Variants in TBC1D12 observed in about 807,000 individuals in gnomAD.
TBC1D12 encodes the protein TBC1 domain family member 12.
A neutral mutation model predicts 86.7 loss-of-function variants in TBC1D12; 56 were observed. That is an observed-to-expected ratio of 0.65 (90% CI 0.52 to 0.81). The LOEUF is 0.81. Ranked by LOEUF, TBC1D12 falls within the 30% of genes least tolerant of loss-of-function variation. TBC1D12 has a pLI of 0.00. For missense variants in TBC1D12, 1,023 were observed against 1,038.8 expected (o/e 0.98, Z 0.21); for synonymous variants, 421 against 411.7 (o/e 1.02, Z -0.27).
Position 94,510,075 on chromosome 10 carries a change from T to G in TBC1D12, c.1601-16T>G. 1 of 1,593,486 alleles carries G rather than the reference T, an allele frequency of 6.3e-7. No homozygotes were observed. Among genetic ancestry groups the G allele is most frequent in the Non-Finnish European group, 8.6e-7 (1 of 1,167,642 alleles). On this transcript the variant is annotated splice_polypyrimidine_tract_variant and intron_variant, in intron 7 of 12. Coordinates refer to ENST00000225235, the MANE Select transcript of TBC1D12 (RefSeq NM_015188.2). Reference sequence around the variant, plus strand: ...GCCAAGTGATCATTTAAATTGTATCTGCTTGGTAAATGCAGGTGTATCTGT... The same window carrying G: ...GCCAAGTGATCATTTAAATTGTATCGGCTTGGTAAATGCAGGTGTATCTGT...
chr10:94,491,629 A>T (rs1158589041), intron 3 of TBC1D12, among the ~76,000 whole-genome samples: 1 of 152,310 alleles, frequency 6.6e-6, no homozygotes, highest in South Asian at 2.1e-4. Context: ...ATTGCGTGCC[A>T]TTCTGAGTAG....
chr10:94,498,090 A>G (rs1316423592), intron 5 of TBC1D12, among the ~76,000 whole-genome samples: 1 of 152,150 alleles, frequency 6.6e-6, no homozygotes, highest in Non-Finnish European at 1.5e-5. Context: ...AAGTGCTGAG[A>G]TTACAGGCGT....
chr10:94,403,389 G>A lies in TBC1D12; in HGVS notation c.776G>A (p.Gly259Asp). The A allele has an allele frequency of 7.8e-6, 12 of 1,545,112 alleles. No individual in the cohort carries two copies. The highest frequency in any genetic ancestry group is 1.0e-5 in the Non-Finnish European group (12 of 1,145,494). Residue 259 changes from glycine to aspartate, a missense_variant, in exon 1 of 13, where the codon GGT becomes GAT. By Grantham distance (94) the Gly-to-Asp change is moderately conservative. Around this residue, in one of 2 missense-constraint regions of TBC1D12, gnomAD observed 628 missense variants for 531.1 expected, o/e 1.18. Coordinates refer to ENST00000225235, the MANE Select transcript of TBC1D12 (RefSeq NM_015188.2). ...PATSAERTNG[G>D]AEPRLGFSDI... ...ACCTCGGCCGAGAGGACTAATGGGG[G>A]TGCGGAGCCGCGCCTGGGCTTTTCT...
At chr10:94,408,644 A>G (rs11187930) in intron 1 of TBC1D12, among the ~76,000 whole-genome samples, 42,360 of 152,070 alleles carry the variant, frequency 0.28, 7,373 homozygotes, top group Admixed American at 0.43. Flanking sequence ...ATCATAATTC[A>G]TCCATCTGAC....
chr10:94,531,289 A>G lies in TBC1D12; in HGVS notation c.2088A>G (p.Leu696=). The G allele has an allele frequency of 6.2e-7, 1 of 1,614,078 alleles. No homozygotes were observed. The highest frequency in any genetic ancestry group is 8.5e-7 in the Non-Finnish European group (1 of 1,180,008). Residue 696 remains leucine (L), a synonymous_variant, in exon 12 of 13, where the codon TTA becomes TTG. Transcript: ENST00000225235. ...DVFCRDGEEF[L]FRTGLGILRL... is the part of the protein sequence containing the mutation. The stretch of plus-strand genomic sequence containing the variant: ...TTTGCAGAGATGGGGAAGAATTTTT[A>G]TTTAGGACTGGATTAGGAATCCTCC...
intron 2 of TBC1D12, among the ~76,000 whole-genome samples, chr10:94,444,523 A>G (rs1023125877): frequency 2.8e-4 from 42 of 152,144 alleles, no homozygotes; most frequent in African/African-American, 9.4e-4. Context: ...TGGTCTTGCT[A>G]CTGAAGGTTT....
intron 3 of TBC1D12, among the ~76,000 whole-genome samples, chr10:94,482,540 T>C (rs926479858): frequency 6.6e-6 from 1 of 151,950 alleles, no homozygotes; most frequent in African/African-American, 2.4e-5. Context: ...GATCTCTGCC[T>C]CCCAGGTTCA....
At chr10:94,485,688 A>G (rs1412350673) in intron 3 of TBC1D12, among the ~76,000 whole-genome samples, 1 of 151,780 alleles carries the variant, frequency 6.6e-6, no homozygotes, top group Admixed American at 6.6e-5. Context: ...TTCTTCTTTA[A>G]ATGTTTGGTA....
At chr10:94,524,728 TAA>T (rs766662285) in intron 11 of TBC1D12, among the ~76,000 whole-genome samples, 63 of 130,638 alleles carry the variant, frequency 4.8e-4, no homozygotes, top group Middle Eastern at 3.9e-3. Flanking sequence ...GAGACTCCAT[TAA>T]AAAAAAAAAA....
intron 1 of TBC1D12, among the ~76,000 whole-genome samples, chr10:94,405,731 C>A (rs2054844285): frequency 6.6e-6 from 1 of 152,194 alleles, no homozygotes; most frequent in Middle Eastern, 3.4e-3. Flanking sequence ...AGAAAACTGT[C>A]CCTTACCTGC....
In TBC1D12 at chr10:94,402,757, G is replaced by A; in HGVS notation, c.144G>A (p.Pro48=). The A allele has an allele frequency of 1.3e-6, 2 of 1,550,608 alleles. No individual in the cohort carries two copies. The highest frequency in any genetic ancestry group is 1.7e-6 in the Non-Finnish European group (2 of 1,147,048). The part of the protein sequence containing the change: ...GFGGGVGAVE[P]PEEADEEEEA... ...GCGGAGGCGTCGGCGCTGTGGAGCC[G>A]CCGGAGGAGGCTGACGAGGAGGAGG... Residue 48 remains proline (P), a synonymous_variant, in exon 1 of 13, where the codon CCG becomes CCA. Coordinates refer to ENST00000225235, the MANE Select transcript of TBC1D12 (RefSeq NM_015188.2).
At chr10:94,481,063 T>G (rs2056070509) in intron 3 of TBC1D12, among the ~76,000 whole-genome samples, 1 of 147,858 alleles carries the variant, frequency 6.8e-6, no homozygotes, top group South Asian at 2.1e-4. Flanking sequence ...TTTTTTTTTT[T>G]GTGAGCAGTG....
chr10:94,406,239 A>G (rs536742490), intron 1 of TBC1D12, among the ~76,000 whole-genome samples: 95 of 152,286 alleles, frequency 6.2e-4, no homozygotes, highest in Non-Finnish European at 1.2e-3. Context: ...TTACTTATAG[A>G]CTAATAGAAC....
At chr10:94,423,874 A>G (rs2055112630) in intron 1 of TBC1D12, among the ~76,000 whole-genome samples, 1 of 152,202 alleles carries the variant, frequency 6.6e-6, no homozygotes, top group African/African-American at 2.4e-5. Context: ...TGCCAAAACC[A>G]CATACAGTCA....
chr10:94,466,555 G>A (rs1296755637), intron 2 of TBC1D12, among the ~76,000 whole-genome samples: 2 of 151,930 alleles, frequency 1.3e-5, no homozygotes, highest in Non-Finnish European at 2.9e-5. Flanking sequence ...TAAAATCACT[G>A]GCACACTTCA....
intron 6 of TBC1D12, among the ~76,000 whole-genome samples, chr10:94,502,060 C>T (rs1001247318): frequency 2.6e-5 from 4 of 151,296 alleles, no homozygotes; most frequent in East Asian, 2.0e-4. Context: ...TGGCCAGGCG[C>T]GGTGGCTCAC....
intron 3 of TBC1D12, among the ~76,000 whole-genome samples, chr10:94,489,774 G>A (rs755454959): frequency 8.5e-4 from 129 of 152,244 alleles, no homozygotes; most frequent in Non-Finnish European, 6.2e-4. Context: ...AAGAGATAGA[G>A]AGAGATGGGA....
At chr10:94,505,344 C>T (rs527269757) in intron 6 of TBC1D12, among the ~76,000 whole-genome samples, 3 of 152,140 alleles carry the variant, frequency 2.0e-5, no homozygotes, top group Admixed American at 6.6e-5. Flanking sequence ...TTTGGGAGGC[C>T]GAGGCAGGTG....
intron 2 of TBC1D12, among the ~76,000 whole-genome samples, chr10:94,464,442 A>G (rs745698451): frequency 7.9e-5 from 12 of 152,104 alleles, no homozygotes; most frequent in Non-Finnish European, 1.5e-4. Flanking sequence ...GTTTTCAAAC[A>G]TCTTAGTCTC....
Sources: allele counts gnomAD v4.1 joint callset (sites outside exome capture counted in the v4.1 genomes callset), GRCh38; gene constraint gnomAD v4.1.1; regional missense constraint gnomAD v4.1.1; transcripts MANE v1.5; gene names NCBI Gene and HGNC (gene_info 2026-07-23, HGNC 2026-07-21).